Variants in COL23A1 observed in about 807,000 individuals in gnomAD.
The protein encoded by COL23A1 is collagen type XXIII alpha 1 chain, also known as collagen alpha-1(XXIII) chain.
Under a neutral mutation model 99.3 loss-of-function variants are expected in COL23A1, and 97 were observed. The ratio of observed to expected loss-of-function variants is 0.98; its 90% CI spans 0.83 to 1.16. The LOEUF is 1.16. Among genes scored for constraint, COL23A1 ranks in the 50% most tolerant of loss-of-function variants. The pLI is 0.00. For missense variants in COL23A1, 762 were observed against 757.4 expected (o/e 1.01, Z -0.07); for synonymous variants, 320 against 308.2 (o/e 1.04, Z -0.40).
intron 2 of COL23A1, among the ~76,000 whole-genome samples, chr5:178,314,214 C>T (rs1581136193): frequency 5.3e-5 from 6 of 112,506 alleles, no homozygotes; most frequent in Middle Eastern, 4.0e-3. Flanking sequence ...CAGTTCATTC[C>T]GAAGCTGCTT....
At chr5:178,397,795 T>C (rs937725012) in intron 2 of COL23A1, among the ~76,000 whole-genome samples, 4 of 152,106 alleles carry the variant, frequency 2.6e-5, no homozygotes, top group Non-Finnish European at 5.9e-5. Flanking sequence ...GAGACCATCC[T>C]GGCCAACATG....
intron 2 of COL23A1, among the ~76,000 whole-genome samples, chr5:178,314,735 C>T (rs900750426): frequency 1.1e-4 from 16 of 152,142 alleles, no homozygotes; most frequent in Non-Finnish European, 2.4e-4. Flanking sequence ...ATATTCCTGA[C>T]CTCAAACCCA....
At position 178,242,381 on chromosome 5, in the gene COL23A1, G is replaced by A. The variant is rs751844968; in HGVS notation, c.1454C>T (p.Pro485Leu). The A allele has an allele frequency of 8.1e-6, 13 of 1,613,926 alleles. No homozygotes were observed. The highest frequency in any genetic ancestry group is 1.0e-5 in the Non-Finnish European group (12 of 1,180,024). The stretch of plus-strand genomic sequence containing the variant: ...GCTCCGATCACCTTTCTCTCCTCGG[G>A]GTCCAGGGAAACCCTGACAAAAGGA... ...GEPGLDGFPG[P>L]RGEKGDRSER... The change falls in exon 26 of 29, where the codon CCC (proline) becomes CTC (leucine). Residue 485 changes from proline (P) to leucine (L), a missense_variant. Coordinates refer to ENST00000390654, the MANE Select transcript of COL23A1 (RefSeq NM_173465.4).
intron 2 of COL23A1, among the ~76,000 whole-genome samples, chr5:178,383,083 G>A (rs916434725): frequency 1.4e-4 from 22 of 152,208 alleles, no homozygotes; most frequent in East Asian, 1.4e-3. Context: ...CATGGTTCCC[G>A]GACTTGAGAT....
At chr5:178,583,856 G>T (rs1763782429) in intron 1 of COL23A1, among the ~76,000 whole-genome samples, 1 of 152,098 alleles carries the variant, frequency 6.6e-6, no homozygotes, top group South Asian at 2.1e-4. Context: ...ATAACCCCCT[G>T]CTTTCTCCCC....
intron 2 of COL23A1, among the ~76,000 whole-genome samples, chr5:178,359,311 A>G (rs914753274): frequency 2.6e-5 from 4 of 152,138 alleles, no homozygotes; most frequent in African/African-American, 9.7e-5. Context: ...ATCACTTGAG[A>G]TCAGGAGTTT....
intron 2 of COL23A1, among the ~76,000 whole-genome samples, chr5:178,497,263 G>A (rs924751799): frequency 6.6e-6 from 1 of 152,288 alleles, no homozygotes; most frequent in African/African-American, 2.4e-5. Context: ...CAGAGGCATC[G>A]CTATCAGGAC....
intron 2 of COL23A1, among the ~76,000 whole-genome samples, chr5:178,441,795 A>G (rs17081260): frequency 6.6e-6 from 1 of 152,084 alleles, no homozygotes; most frequent in East Asian, 1.9e-4. Flanking sequence ...TCTTTGGGCT[A>G]AACATTCTGT....
chr5:178,249,263 C>T (rs1764882615), intron 18 of COL23A1, 57 bp from the exon 19 acceptor site: 17 of 1,533,054 alleles, frequency 1.1e-5, no homozygotes, highest in Non-Finnish European at 1.4e-5. Flanking sequence ...TCCCTTCTCC[C>T]CCCAGCAGGT....
chr5:178,446,073 T>G (rs1767144087), intron 2 of COL23A1, among the ~76,000 whole-genome samples: 1 of 151,946 alleles, frequency 6.6e-6, no homozygotes, highest in African/African-American at 2.4e-5. Context: ...CAAGAAAATT[T>G]TTTTAATCAA....
At chr5:178,517,702 C>T (rs1324667993) in intron 2 of COL23A1, among the ~76,000 whole-genome samples, 2 of 150,156 alleles carry the variant, frequency 1.3e-5, no homozygotes, top group African/African-American at 4.9e-5. Flanking sequence ...GCTGGGATTA[C>T]AGGCACGTGC....
intron 3 of COL23A1, among the ~76,000 whole-genome samples, chr5:178,292,502 GT>G (rs1757514693): frequency 6.6e-6 from 1 of 152,198 alleles, no homozygotes; most frequent in African/African-American, 2.4e-5. Context: ...GCAAGAAACA[GT>G]GGGAGGTGGC....
In COL23A1 at chr5:178,589,972, G is replaced by A. The variant is rs1236785981; in HGVS notation, c.226C>T (p.Arg76Trp). 2.1e-5 allele frequency: 28 copies of A among 1,331,350 alleles called. No homozygotes were observed. The highest frequency in any genetic ancestry group is 2.7e-5 in the Non-Finnish European group (28 of 1,047,454). The allele number at this position is 1,331,350 out of a possible 1,614,324, so 82.5% of individuals were successfully genotyped here. Reference protein sequence around the residue: ...AALEEERELLRRAGPPGALDA... With the variant: ...AALEEERELLWRAGPPGALDA... Reference sequence around the variant, plus strand: ...AGGGCGCCTGGCGGCCCCGCGCGCCGCAGCAGCTCCCGCTCCTCCTCGAGC... The same window carrying A: ...AGGGCGCCTGGCGGCCCCGCGCGCCACAGCAGCTCCCGCTCCTCCTCGAGC... Residue 76 changes from arginine to tryptophan, a missense_variant, in exon 1 of 29, where the codon CGG becomes TGG. Coordinates refer to ENST00000390654, the MANE Select transcript of COL23A1 (RefSeq NM_173465.4). This position sits in a 1 kb window ranked among gnomAD's most constrained non-coding sequence, Gnocchi z 5.4.
chr5:178,471,197 A>T (rs1756728710), intron 2 of COL23A1, among the ~76,000 whole-genome samples: 1 of 152,176 alleles, frequency 6.6e-6, no homozygotes, highest in Admixed American at 6.5e-5. Flanking sequence ...AGAGGTTGGA[A>T]CAGTGGGTGC....
At chr5:178,328,352 C>A (rs1358213878) in intron 2 of COL23A1, among the ~76,000 whole-genome samples, 4 of 152,074 alleles carry the variant, frequency 2.6e-5, no homozygotes, top group South Asian at 2.1e-4. Flanking sequence ...ATCCAAGGGG[C>A]CTTTCTAACA....
At position 178,238,337 on chromosome 5, in the gene COL23A1, C is replaced by T. The variant is rs191281464; in HGVS notation, c.*361G>A. 332 of 234,338 alleles carry T rather than the reference C, an allele frequency of 1.4e-3. 2 individuals carry two copies. Among genetic ancestry groups the T allele is most frequent in the African/African-American group, 7.0e-3 (308 of 44,010 alleles). The allele number at this position is 234,338 out of a possible 1,614,324, so 14.5% of individuals were successfully genotyped here. On this transcript the variant is annotated 3_prime_UTR_variant, in exon 29 of 29. Coordinates refer to ENST00000390654, the MANE Select transcript of COL23A1 (RefSeq NM_173465.4). ...GTGTCCCAGGGACTCCAGAGTTTTG[C>T]GGGGGCAGGTTCTTACAGGGCAGTA...
intron 2 of COL23A1, among the ~76,000 whole-genome samples, chr5:178,471,863 C>G (rs1019869079): frequency 6.6e-6 from 1 of 152,184 alleles, no homozygotes; most frequent in Admixed American, 6.5e-5. Flanking sequence ...CAGTCCATGC[C>G]CCAGCTCCTT....
At chr5:178,507,266 C>T (rs1758926295) in intron 2 of COL23A1, among the ~76,000 whole-genome samples, 1 of 152,188 alleles carries the variant, frequency 6.6e-6, no homozygotes, top group Non-Finnish European at 1.5e-5. Flanking sequence ...TACAGCCCCA[C>T]ACAACACCAC....
At chr5:178,585,210 CA>C (rs1182552723) in intron 1 of COL23A1, among the ~76,000 whole-genome samples, 1 of 152,174 alleles carries the variant, frequency 6.6e-6, no homozygotes, top group East Asian at 1.9e-4. Flanking sequence ...TTAGGCGGGC[CA>C]GTGGATGACT....
Sources: gnomAD v4.1 joint callset for allele counts (sites outside exome capture counted in the v4.1 genomes callset) on GRCh38, gnomAD v4.1.1 for gene constraint, Gnocchi (gnomAD v3.1) non-coding constraint, MANE v1.5 for transcripts, NCBI Gene and HGNC (gene_info 2026-07-23, HGNC 2026-07-21) for gene names.